The following SLC24A2 variants were observed in gnomAD, a reference collection of about 807,000 sequenced individuals.
The protein encoded by SLC24A2 is solute carrier family 24 member 2.
A neutral mutation model predicts 62.0 loss-of-function variants in SLC24A2; 36 were observed. That is an observed-to-expected ratio of 0.58 (90% CI 0.44 to 0.77). The LOEUF (loss-of-function observed/expected upper bound fraction) is 0.77. Among genes scored for constraint, SLC24A2 ranks in the 30% least tolerant of loss-of-function variants. SLC24A2 has a pLI of 0.00. For missense variants in SLC24A2, 846 were observed against 817.9 expected (o/e 1.03, Z -0.42); for synonymous variants, 358 against 294.0 (o/e 1.22, Z -2.23).
At chr9:19,871,586 T>G in the SLC24A2 span, among the ~76,000 whole-genome samples, 1 of 152,210 alleles carries the variant, frequency 6.6e-6, no homozygotes, top group African/African-American at 2.4e-5. Context: ...TTATTCATAT[T>G]TGTATATGTG....
the SLC24A2 span, among the ~76,000 whole-genome samples, chr9:19,897,711 C>T: frequency 1.3e-5 from 2 of 152,090 alleles, no homozygotes; most frequent in African/African-American, 4.8e-5. Context: ...TCAATAACCC[C>T]ATGAGGTAGG....
the SLC24A2 span, among the ~76,000 whole-genome samples, chr9:20,281,517 T>C: frequency 6.6e-6 from 1 of 152,172 alleles, no homozygotes; most frequent in African/African-American, 2.4e-5. Context: ...AATGCTGATG[T>C]CTAATCACAT....
the SLC24A2 span, among the ~76,000 whole-genome samples, chr9:20,167,361 T>A: frequency 1.3e-5 from 2 of 152,098 alleles, no homozygotes; most frequent in East Asian, 3.9e-4. Flanking sequence ...GTTTGTGTTG[T>A]TGGAAGCTGA....
rs765397220 is a variant in SLC24A2 at position 19,594,745 on chromosome 9, AT to A, written c.1129+2483del. 1.9e-3 allele frequency among the ~76,000 whole-genome samples: 285 copies of A among 152,332 alleles called. 2 individuals are homozygous for A. Among genetic ancestry groups the A allele is most frequent in the Non-Finnish European group, 1.4e-3 (94 of 68,028 alleles). ...CTTTGTCTTTATTATACTTCCTTAA[AT>A]TGTACAACATGAAAGTGACATAAAT... is the stretch of plus-strand genomic sequence containing the variant. On this transcript the variant is annotated intron_variant, in intron 5 of 10. Coordinates refer to ENST00000341998, the MANE Select transcript of SLC24A2 (RefSeq NM_020344.4).
At chr9:20,040,897 GA>G in the SLC24A2 span, among the ~76,000 whole-genome samples, 1 of 152,216 alleles carries the variant, frequency 6.6e-6, no homozygotes, top group Non-Finnish European at 1.5e-5. Context: ...ACAAGGGTTA[GA>G]AGCTTAATAA....
the SLC24A2 span, among the ~76,000 whole-genome samples, chr9:20,118,122 T>G: frequency 1.6e-4 from 24 of 152,132 alleles, no homozygotes; most frequent in African/African-American, 5.8e-4. Context: ...CCCAAGAGTT[T>G]AATATGCATA....
the SLC24A2 span, among the ~76,000 whole-genome samples, chr9:20,123,652 G>C: frequency 6.6e-6 from 1 of 151,984 alleles, no homozygotes; most frequent in Non-Finnish European, 1.5e-5. Context: ...ATTGTCATGT[G>C]GACTGAGCTA....
At chr9:20,284,535 T>C in the SLC24A2 span, among the ~76,000 whole-genome samples, 1 of 151,920 alleles carries the variant, frequency 6.6e-6, no homozygotes, top group East Asian at 1.9e-4. Flanking sequence ...AAACACATTT[T>C]TTTTTGTGGT....
the SLC24A2 span, among the ~76,000 whole-genome samples, chr9:20,052,185 T>C: frequency 6.6e-6 from 1 of 152,198 alleles, no homozygotes; most frequent in Non-Finnish European, 1.5e-5. Context: ...AGCTCAGCCA[T>C]CTCAAACTTA....
chr9:19,740,232 A>T (rs973912535), intron 2 of SLC24A2, among the ~76,000 whole-genome samples: 10 of 152,194 alleles, frequency 6.6e-5, no homozygotes, highest in African/African-American at 2.4e-4. Flanking sequence ...CATGGTATGT[A>T]CCCAACAGAA....
chr9:19,640,943 G>C (rs1233424342), intron 2 of SLC24A2, among the ~76,000 whole-genome samples: 3 of 152,202 alleles, frequency 2.0e-5, no homozygotes, highest in African/African-American at 7.2e-5. Flanking sequence ...CAAATGGTAA[G>C]CTAATGAAAG....
At chr9:19,582,642 T>C (rs1481312187) in intron 5 of SLC24A2, among the ~76,000 whole-genome samples, 1 of 152,214 alleles carries the variant, frequency 6.6e-6, no homozygotes, top group African/African-American at 2.4e-5. Context: ...CCAGGTAGCT[T>C]AAAAAGCAAA....
At chr9:19,746,500 C>T (rs1380210709) in intron 2 of SLC24A2, among the ~76,000 whole-genome samples, 1 of 152,086 alleles carries the variant, frequency 6.6e-6, no homozygotes, top group Non-Finnish European at 1.5e-5. Flanking sequence ...CAATAAAAAA[C>T]TCCATTATCA....
chr9:19,918,358 G>C, the SLC24A2 span, among the ~76,000 whole-genome samples: 10 of 142,216 alleles, frequency 7.0e-5, no homozygotes, highest in East Asian at 2.1e-3. Flanking sequence ...TGCTATTTGT[G>C]TCATCTTTTA....
At chr9:20,112,754 T>G in the SLC24A2 span, among the ~76,000 whole-genome samples, 1 of 152,052 alleles carries the variant, frequency 6.6e-6, no homozygotes, top group African/African-American at 2.4e-5. Context: ...GTGGCTTGTC[T>G]GAAGGCGAAT....
At chr9:19,935,933 A>G in the SLC24A2 span, among the ~76,000 whole-genome samples, 4 of 152,250 alleles carry the variant, frequency 2.6e-5, no homozygotes, top group African/African-American at 9.6e-5. Flanking sequence ...TCTAAAGGAA[A>G]GAAGGAAGAT....
At chr9:20,123,216 TG>T in the SLC24A2 span, among the ~76,000 whole-genome samples, 1 of 152,272 alleles carries the variant, frequency 6.6e-6, no homozygotes, top group Non-Finnish European at 1.5e-5. Context: ...AAGCTAGCTC[TG>T]TGGGGTCCCT....
At chr9:20,221,790 G>A in the SLC24A2 span, among the ~76,000 whole-genome samples, 3 of 152,032 alleles carry the variant, frequency 2.0e-5, no homozygotes, top group Non-Finnish European at 2.9e-5. Flanking sequence ...GTGCTGACAG[G>A]AAGTAACTGT....
intron 5 of SLC24A2, among the ~76,000 whole-genome samples, chr9:19,583,387 T>C (rs367689267): frequency 4.4e-4 from 67 of 152,352 alleles, no homozygotes; most frequent in Admixed American, 1.4e-3. Flanking sequence ...ATCCCAGGTT[T>C]ATTTTCTCTA....
Sources: gnomAD v4.1 joint callset for allele counts (sites outside exome capture counted in the v4.1 genomes callset) on GRCh38, gnomAD v4.1.1 for gene constraint, MANE v1.5 for transcripts, NCBI Gene and HGNC (gene_info 2026-07-23, HGNC 2026-07-21) for gene names.